Variants in COL1A1 observed in about 807,000 individuals in gnomAD.
COL1A1 encodes the protein collagen alpha-1(I) chain.
In COL1A1, 21 loss-of-function variants were observed where a neutral mutation model predicts 195.7. That is an observed-to-expected ratio of 0.11 (90% confidence interval 0.08 to 0.15). The LOEUF (loss-of-function observed/expected upper bound fraction) is 0.15, where lower values mean the gene tolerates loss of function less well. Ranked by LOEUF, COL1A1 falls within the 10% of genes least tolerant of loss-of-function variation. COL1A1 has a pLI of 1.00. For missense variants in COL1A1, 1,365 were observed against 2,051.0 expected, an observed-to-expected ratio of 0.67 and a Z score of 6.46; for synonymous variants, 749 against 747.3, an observed-to-expected ratio of 1.00 and a Z score of -0.04.
chr17:50,197,893 A>G, intron 8 of COL1A1, 56 bp downstream of exon 8: 1 of 1,598,352 alleles, frequency 6.3e-7, no homozygotes, highest in Non-Finnish European at 8.6e-7. Context: ...GAGTTCTTCT[A>G]TAGGAGAGTC....
intron 9 of COL1A1, 152 bp from the exon 10 acceptor site, chr17:50,197,385 T>TCA: frequency 1.3e-6 from 1 of 796,206 alleles, no homozygotes; most frequent in Non-Finnish European, 2.1e-6. Flanking sequence ...TCAGTTTAAA[T>TCA]CTACAGTGAA....
intron 1 of COL1A1, among the ~76,000 whole-genome samples, chr17:50,201,187 G>A (rs1004640892): frequency 2.6e-5 from 4 of 152,106 alleles, no homozygotes; most frequent in Non-Finnish European, 4.4e-5. Context: ...ACCAACTCAC[G>A]CCGCGCTCCA....
At position 50,186,301 on chromosome 17, in the gene COL1A1, G is replaced by A. The variant is rs764820114; in HGVS notation, c.4005+16C>T. ...GCCCATCTCCTAACACTGGCTCTGA[G>A]GTCCAGCTCACGCACCTGGAATCCA... On this transcript the variant is annotated intron_variant, in intron 49 of 50. Transcript: ENST00000225964. This position sits in a 1 kb window ranked among gnomAD's most constrained non-coding sequence, Gnocchi z 5.3. 4 of 1,613,894 alleles carry A rather than the reference G, an allele frequency of 2.5e-6. No individual in the cohort carries two copies. The highest frequency in any genetic ancestry group is 3.4e-6 in the Non-Finnish European group (4 of 1,179,940).
Position 50,195,135 on chromosome 17 carries a change from G to A in COL1A1, c.1300-35C>T, listed in dbSNP as rs748557134. On this transcript the variant is annotated intron_variant, in intron 19 of 50. Transcript: ENST00000225964. The surrounding 1 kb of genome is among the most constrained non-coding windows in gnomAD (Gnocchi z 4.3). ...GGGAGAAGAGGATGAGCTGAGAGTC[G>A]GGGGCGCTCAGTTGGCCTGCGTCTT... is the stretch of plus-strand genomic sequence containing the variant. The A allele has an allele frequency of 6.8e-5, 109 of 1,610,698 alleles. No individual in the cohort carries two copies. The highest frequency in any genetic ancestry group is 8.1e-5 in the Non-Finnish European group (95 of 1,177,336).
Position 50,188,989 on chromosome 17 carries a change from G to T in COL1A1, c.2959C>A (p.Pro987Thr). ...CCACGTTCACCACTTGCTCCAGAGGGACCTTGTTTGCCAGGTTCACCCTAA... is the reference window on the plus strand; with the variant it reads ...CCACGTTCACCACTTGCTCCAGAGGTACCTTGTTTGCCAGGTTCACCCTAA... ...GPSGEPGKQG[P>T]SGASGERGPP... is the part of the protein sequence containing the mutation. Residue 987 changes from proline (P) to threonine (T), a missense_variant, in exon 41 of 51, where the codon CCC (proline) becomes ACC (threonine). Physicochemically the swap from Pro to Thr is conservative, Grantham distance 38. Around this residue, in one of 5 missense-constraint regions of COL1A1, gnomAD observed 671 missense variants for 1,099.9 expected, o/e 0.61. Coordinates refer to ENST00000225964, the MANE Select transcript of COL1A1 (RefSeq NM_000088.4). This position sits in a 1 kb window ranked among gnomAD's most constrained non-coding sequence, Gnocchi z 5.6. 1 of 1,613,822 alleles carries T rather than the reference G, an allele frequency of 6.2e-7. No homozygotes were observed. The highest frequency in any genetic ancestry group is 1.3e-5 in the African/African-American group (1 of 74,976).
rs373496190 is a variant in COL1A1 at position 50,196,451 on chromosome 17, C to G, written c.903+33G>C. The G allele has an allele frequency of 9.4e-5, 152 of 1,614,074 alleles. 3 individuals are homozygous for G. The South Asian group carries it at 1.6e-3, about 17-fold the overall frequency. ...CTCCATCTTGCCCCTGCCTCCTGCC[C>G]CATCCCTGCCCTCTGGAACTGGGCA... On this transcript the variant is annotated intron_variant, in intron 13 of 50. Coordinates refer to ENST00000225964, the MANE Select transcript of COL1A1 (RefSeq NM_000088.4).
rs754774932 is a variant in COL1A1 at position 50,190,038 on chromosome 17, G to T, written c.2522C>A (p.Pro841His). Residue 841 changes from proline (P) to histidine (H), a missense_variant, in exon 36 of 51, where the codon CCT becomes CAT. By Grantham distance (77) the Pro-to-His change is moderately conservative. This residue lies in a region of COL1A1 where 671 missense variants were observed against 1,099.9 expected (regional missense o/e 0.61). Coordinates refer to ENST00000225964, the MANE Select transcript of COL1A1 (RefSeq NM_000088.4). The surrounding 1 kb of genome is among the most constrained non-coding windows in gnomAD (Gnocchi z 4.7). ...GGGTCCAGCGGGTCCGGCAGGGCCA[G>T]GGGGACCAGCATCGCCTTTAGCACC... is the stretch of plus-strand genomic sequence containing the variant. ...DAGAKGDAGP[P>H]GPAGPAGPPG... 16 of 1,613,806 alleles carry T rather than the reference G, an allele frequency of 9.9e-6. No homozygotes were observed. Among genetic ancestry groups the T allele is most frequent in the Admixed American group, 6.7e-5 (4 of 60,026 alleles).
In COL1A1 at chr17:50,197,627, T is replaced by G. The variant is rs528805201; in HGVS notation, c.696+105A>C. On this transcript the variant is annotated intron_variant, in intron 9 of 50. Coordinates refer to ENST00000225964, the MANE Select transcript of COL1A1 (RefSeq NM_000088.4). ...TCCGTGCATCAGAGAGGACTTGCCC[T>G]CCTTCCTCTGAGTATCGTTCCCAAA... 1.4e-5 allele frequency: 13 copies of G among 949,286 alleles called. No individual in the cohort carries two copies. In the East Asian group the frequency reaches 3.1e-4, roughly 23 times the overall value. The allele number at this position is 949,286 out of a possible 1,614,324, so 58.8% of individuals were successfully genotyped here.
At position 50,195,449 on chromosome 17, in the gene COL1A1, A is replaced by G. The variant is rs757681709; in HGVS notation, c.1185T>C (p.Gly395=). Residue 395 remains glycine (G), a synonymous_variant, in exon 18 of 51, where the codon GGT becomes GGC. Coordinates refer to ENST00000225964, the MANE Select transcript of COL1A1 (RefSeq NM_000088.4). The surrounding 1 kb of genome is among the most constrained non-coding windows in gnomAD (Gnocchi z 4.3). ...AGNPGADGQP[G]AKGANGAPGI... Reference sequence around the variant, plus strand: ...GGATACTTACATTGGCACCTTTAGCACCAGGCTGTCCATCAGCACCAGGGT... The same window carrying G: ...GGATACTTACATTGGCACCTTTAGCGCCAGGCTGTCCATCAGCACCAGGGT... The G allele has an allele frequency of 6.2e-7, 1 of 1,614,162 alleles. No individual in the cohort carries two copies. The highest frequency in any genetic ancestry group is 8.5e-7 in the Non-Finnish European group (1 of 1,180,010).
intron 25 of COL1A1, among the ~76,000 whole-genome samples, chr17:50,193,294 G>A (rs1337514364): frequency 6.6e-6 from 1 of 152,054 alleles, no homozygotes; most frequent in Non-Finnish European, 1.5e-5. Flanking sequence ...ACTGCAAAGG[G>A]CTTTCATCTT....
In COL1A1 at chr17:50,185,773, C is replaced by T; in HGVS notation, c.4248+5G>A. The T allele has an allele frequency of 6.2e-7, 1 of 1,613,312 alleles. No homozygotes were observed. Among genetic ancestry groups the T allele is most frequent in the Non-Finnish European group, 8.5e-7 (1 of 1,179,966 alleles). ...GGGCCCTGCCTGGGGATTCTGGGCA[C>T]TCACCGTGCAGCCATCGACAGTGAC... On this transcript the variant is annotated splice_donor_5th_base_variant and intron_variant, in intron 50 of 50. Coordinates refer to ENST00000225964, the MANE Select transcript of COL1A1 (RefSeq NM_000088.4).
rs953250279 is a variant in COL1A1 at position 50,199,078 on chromosome 17, A to C, written c.471+148T>G. ...CAGAGACTAATAAAGCACATGTCAC[A>C]AACTGTGAAGGGTATGTGAGAGTTT... On this transcript the variant is annotated intron_variant, in intron 5 of 50. Transcript: ENST00000225964. 6 of 916,204 alleles carry C rather than the reference A, an allele frequency of 6.5e-6. No homozygotes were observed. The African/African-American group carries it at 1.0e-4, about 15-fold the overall frequency. 56.8% of individuals were successfully genotyped at this position (916,204 alleles called of 1,614,324 possible). A position where few individuals can be genotyped will look rare whatever the true frequency, so the allele number is the denominator to read the frequency against.
At position 50,192,865 on chromosome 17, in the gene COL1A1, C is replaced by T; in HGVS notation, c.1822-15G>A. 6.2e-7 allele frequency: 1 copy of T among 1,613,860 alleles called. No individual in the cohort carries two copies. The highest frequency in any genetic ancestry group is 8.5e-7 in the Non-Finnish European group (1 of 1,179,956). On this transcript the variant is annotated splice_polypyrimidine_tract_variant and intron_variant, in intron 26 of 50. Transcript: ENST00000225964. ...CCAGCAGGACCCTGCAGGGAGAGAG[C>T]AAAGGGGAACTCAGGGTTAGGAGGC...
chr17:50,184,178 TA>T lies in COL1A1; in HGVS notation c.*1323del. On this transcript the variant is annotated 3_prime_UTR_variant, in exon 51 of 51. Coordinates refer to ENST00000225964, the MANE Select transcript of COL1A1 (RefSeq NM_000088.4). ...CTCAAATTATTATACACATACAAAA[TA>T]GGTACAGAGTCTTTTGCTTCCTCCC... 1 of 223,142 alleles carries T rather than the reference TA, an allele frequency of 4.5e-6. No homozygotes were observed. Among genetic ancestry groups the T allele is most frequent in the Non-Finnish European group, 9.0e-6 (1 of 111,382 alleles). The allele number at this position is 223,142 out of a possible 1,614,324, so 13.8% of individuals were successfully genotyped here.
rs1176937334 is a variant in COL1A1 at position 50,199,790 on chromosome 17, G to A, written c.261C>T (p.Pro87=). ...ETKNCPGAEV[P]EGECCPVCPD... is the part of the protein sequence containing the mutation. ...GGCAGACGGGACAGCACTCGCCCTC[G>A]GGGACTTCGGCGCCGGGGCAGTTCT... The change falls in exon 2 of 51, where the codon CCC becomes CCT. Residue 87 remains proline, a synonymous_variant. Coordinates refer to ENST00000225964, the MANE Select transcript of COL1A1 (RefSeq NM_000088.4). The A allele has an allele frequency of 6.2e-7, 1 of 1,613,814 alleles. No individual in the cohort carries two copies. Among genetic ancestry groups the A allele is most frequent in the Non-Finnish European group, 8.5e-7 (1 of 1,179,998 alleles).
At chr17:50,192,932 A>G (rs1356716501) in intron 26 of COL1A1, 62 bp downstream of exon 26, 5 of 1,609,828 alleles carry the variant, frequency 3.1e-6, no homozygotes, top group Non-Finnish European at 4.3e-6. Context: ...CCCCTCCTGC[A>G]GGGAGGAGAA....
Position 50,188,019 on chromosome 17 carries a change from G to A in COL1A1, c.3262-36C>T. The A allele has an allele frequency of 1.2e-6, 2 of 1,613,812 alleles. No individual in the cohort carries two copies. The highest frequency in any genetic ancestry group is 1.7e-6 in the Non-Finnish European group (2 of 1,179,734). The stretch of plus-strand genomic sequence containing the variant: ...GAAAGGGACAAACTGTCAGGCGGAA[G>A]TTCCATTGGCATCGAGTGGGGCACT... On this transcript the variant is annotated intron_variant, in intron 44 of 50. Transcript: ENST00000225964. The surrounding 1 kb of genome is among the most constrained non-coding windows in gnomAD (Gnocchi z 5.6).
rs768628904 is a variant in COL1A1, at chr17:50,189,584, GCATCATTGGGTCCTCAGTCAGCCCCA to G, written c.2667+69_2668-47del. The G allele has an allele frequency of 1.2e-4, 201 of 1,612,832 alleles. No homozygotes were observed. Among genetic ancestry groups the G allele is most frequent in the Non-Finnish European group, 1.6e-4 (194 of 1,179,524 alleles). On this transcript the variant is annotated intron_variant, in intron 38 of 50. Coordinates refer to ENST00000225964, the MANE Select transcript of COL1A1 (RefSeq NM_000088.4). The surrounding 1 kb of genome is among the most constrained non-coding windows in gnomAD (Gnocchi z 5.5). ...CTGTCAGACTCCAGGGGGCTCTGGTGCATCATTGGGTCCTCAGTCAGCCCCACCATCCTTCTGGCAGCCCCCACCCA... is the reference window on the plus strand; with the variant it reads ...CTGTCAGACTCCAGGGGGCTCTGGTGCCATCCTTCTGGCAGCCCCCACCCA...
In COL1A1 at chr17:50,199,735, C is replaced by T; in HGVS notation, c.298+18G>A. On this transcript the variant is annotated intron_variant, in intron 2 of 50. Transcript: ENST00000225964. ...CAGGCCCCAGGCCCCAGGCCCCAGGCCCCGAGCGCAGCCGCACCTGAGCCG... is the reference window on the plus strand; with the variant it reads ...CAGGCCCCAGGCCCCAGGCCCCAGGTCCCGAGCGCAGCCGCACCTGAGCCG... The T allele has an allele frequency of 4.3e-6, 6 of 1,381,774 alleles. No homozygotes were observed. The highest frequency in any genetic ancestry group is 2.5e-5 in the East Asian group (1 of 40,444). 85.6% of individuals were successfully genotyped at this position (1,381,774 alleles called of 1,614,324 possible). A position where few individuals can be genotyped will look rare whatever the true frequency, so the allele number is the denominator to read the frequency against.
Sources: gnomAD v4.1 joint callset for allele counts (sites outside exome capture counted in the v4.1 genomes callset) on GRCh38, gnomAD v4.1.1 for gene constraint, gnomAD v4.1.1 regional missense constraint, Gnocchi (gnomAD v3.1) non-coding constraint, MANE v1.5 for transcripts, NCBI Gene and HGNC (gene_info 2026-07-23, HGNC 2026-07-21) for gene names.